The following MAD2L1BP variants were observed in gnomAD, a reference collection of about 807,000 sequenced individuals.
MAD2L1BP encodes MAD2L1 binding protein, also known as MAD2L1-binding protein.
Under a neutral mutation model 28.4 loss-of-function variants are expected in MAD2L1BP, and 22 were observed. That is an observed-to-expected ratio of 0.77 (90% CI 0.55 to 1.10). MAD2L1BP has a LOEUF of 1.10. Among genes scored for constraint, MAD2L1BP ranks in the 50% least tolerant of loss-of-function variants. MAD2L1BP has a pLI of 0.00. For synonymous variants in MAD2L1BP, 146 were observed against 133.7 expected (o/e 1.09, Z -0.63); for missense variants, 325 against 350.5 (o/e 0.93, Z 0.58).
upstream of MAD2L1BP, among the ~76,000 whole-genome samples, chr6:43,631,992 C>A (rs962702658): frequency 6.6e-6 from 1 of 151,724 alleles, no homozygotes; most frequent in Admixed American, 6.6e-5. Context: ...CTCCTCCTCC[C>A]GGGTTCAAGC....
chr6:43,634,884 C>T (rs1207841987), upstream of MAD2L1BP, among the ~76,000 whole-genome samples: 1 of 152,100 alleles, frequency 6.6e-6, no homozygotes, highest in Non-Finnish European at 1.5e-5. Context: ...TCTATTCCTC[C>T]TCCTCCTTGT....
upstream of MAD2L1BP, among the ~76,000 whole-genome samples, chr6:43,631,921 T>G (rs1031505439): frequency 6.6e-6 from 1 of 152,180 alleles, no homozygotes; most frequent in Admixed American, 6.5e-5. Context: ...TGTTTTTTGA[T>G]GGAGTTTCGC....
chr6:43,629,647 G>T, exon 1 of MAD2L1BP: 2 of 1,283,250 alleles, frequency 1.6e-6, no homozygotes, highest in South Asian at 1.3e-5. Flanking sequence ...TGGCCCTTTA[G>T]CGCGGATCCT....
chr6:43,636,321 AAG>A lies in MAD2L1BP; in HGVS notation c.47-58_47-57del, dbSNP rs1263145903. 50 of 1,580,138 alleles carry A rather than the reference AAG, an allele frequency of 3.2e-5. 1 individual carries two copies. The highest frequency in any genetic ancestry group is 2.3e-4 in the South Asian group (20 of 87,992). Reference sequence around the variant, plus strand: ...TGGTTTGTCGGCCACAGGGAATGAGAAGACTGACTGGCTTTTAGGTTTTTAAT... The same window carrying A: ...TGGTTTGTCGGCCACAGGGAATGAGAACTGACTGGCTTTTAGGTTTTTAAT... On this transcript the variant is annotated intron_variant, in intron 1 of 2. Transcript: ENST00000372171.
At chr6:43,632,193 C>G (rs1769961916), upstream of MAD2L1BP, among the ~76,000 whole-genome samples, 2 of 151,614 alleles carry the variant, frequency 1.3e-5, no homozygotes, top group Non-Finnish European at 2.9e-5. Context: ...AGCCACCGTG[C>G]CCGGCCCTGT....
chr6:43,636,653 A>G lies in MAD2L1BP; in HGVS notation c.312+7A>G. ...CCGAAAACCTTCTCCCCAGGTAGGCACAGGCTTTGGGAGCAAGTTGGTGGG... is the reference window on the plus strand; with the variant it reads ...CCGAAAACCTTCTCCCCAGGTAGGCGCAGGCTTTGGGAGCAAGTTGGTGGG... On this transcript the variant is annotated splice_region_variant and intron_variant, in intron 2 of 2. Transcript: ENST00000372171. The G allele has an allele frequency of 6.2e-7, 1 of 1,610,428 alleles. No homozygotes were observed. The highest frequency in any genetic ancestry group is 1.1e-5 in the South Asian group (1 of 91,034).
rs1561932045 is a variant in MAD2L1BP at position 43,640,187 on chromosome 6, G to C, written c.479G>C (p.Ser160Thr). ...VLILLGGNAL[S>T]PKEFYELDLS... The stretch of plus-strand genomic sequence containing the variant: ...ATTCTCCTTGGGGGCAATGCCCTAA[G>C]CCCCAAGGAGTTCTATGAACTCGAC... The change falls in exon 3 of 3, where the codon AGC becomes ACC. Residue 160 changes from serine (S) to threonine (T), a missense_variant. Transcript: ENST00000372171. 3 of 1,613,718 alleles carry C rather than the reference G, an allele frequency of 1.9e-6. No homozygotes were observed. The highest frequency in any genetic ancestry group is 2.5e-6 in the Non-Finnish European group (3 of 1,179,878).
At chr6:43,631,349 G>T (rs114501960), upstream of MAD2L1BP, among the ~76,000 whole-genome samples, 154 of 152,304 alleles carry the variant, frequency 1.0e-3, no homozygotes, top group African/African-American at 3.6e-3. Context: ...ATCTCAAGAA[G>T]GATGAGAATT....
chr6:43,636,900 C>CA (rs1352310792), intron 2 of MAD2L1BP: 1 of 484,940 alleles, frequency 2.1e-6, no homozygotes, highest in Non-Finnish European at 3.7e-6. Context: ...TCTTTTGAGA[C>CA]AGAGTCTTGC....
At chr6:43,631,167 GCTGA>G (rs1423641467), upstream of MAD2L1BP, among the ~76,000 whole-genome samples, 1 of 152,170 alleles carries the variant, frequency 6.6e-6, no homozygotes, top group African/African-American at 2.4e-5. Flanking sequence ...AAAGGGCCTA[GCTGA>G]CCATAGGCCA....
chr6:43,630,454 A>T (rs1407514746), intron 1 of MAD2L1BP, among the ~76,000 whole-genome samples: 1 of 151,896 alleles, frequency 6.6e-6, no homozygotes, highest in African/African-American at 2.4e-5. Flanking sequence ...AAATTAAACA[A>T]CTCAGCCGGG....
intron 2 of MAD2L1BP, among the ~76,000 whole-genome samples, chr6:43,638,988 TC>T: frequency 6.6e-6 from 1 of 152,184 alleles, no homozygotes; most frequent in Middle Eastern, 3.4e-3. Flanking sequence ...TTCATTCATT[TC>T]CCCTATATTC....
chr6:43,639,443 C>T (rs1770447516), intron 2 of MAD2L1BP, among the ~76,000 whole-genome samples: 2 of 152,128 alleles, frequency 1.3e-5, no homozygotes, highest in Non-Finnish European at 2.9e-5. Flanking sequence ...CCAGCCAACT[C>T]TTCATCTTCT....
intron 1 of MAD2L1BP, among the ~76,000 whole-genome samples, chr6:43,630,379 G>C (rs1769832532): frequency 6.6e-6 from 1 of 152,208 alleles, no homozygotes; most frequent in Non-Finnish European, 1.5e-5. Context: ...TCATGACTCA[G>C]ACCACTCACA....
intron 2 of MAD2L1BP, among the ~76,000 whole-genome samples, chr6:43,639,469 T>G (rs1165084891): frequency 1.3e-5 from 2 of 152,210 alleles, no homozygotes; most frequent in East Asian, 3.8e-4. Flanking sequence ...CCAAAACTTC[T>G]GTGTTTGCAT....
At chr6:43,638,480 T>C (rs1770378808) in intron 2 of MAD2L1BP, among the ~76,000 whole-genome samples, 1 of 152,142 alleles carries the variant, frequency 6.6e-6, no homozygotes, top group Admixed American at 6.6e-5. Context: ...TTGGAGAGTT[T>C]TATTCTGTGT....
At chr6:43,629,850 C>G (rs1483470886) in intron 1 of MAD2L1BP, 1 of 1,475,704 alleles carries the variant, frequency 6.8e-7, no homozygotes, top group Non-Finnish European at 9.1e-7. Context: ...GATTATGCTA[C>G]CTTTACATAG....
At chr6:43,629,697 G>A in exon 1 of MAD2L1BP, 1 of 1,545,366 alleles carries the variant, frequency 6.5e-7, no homozygotes, top group Non-Finnish European at 8.8e-7. Flanking sequence ...CAGAACTGAG[G>A]CTACTGGTGC....
rs3800299 is a variant in MAD2L1BP, at chr6:43,630,132, C to T, written c.20+363C>T. 2.2e-3 allele frequency among the ~76,000 whole-genome samples: 328 copies of T among 152,334 alleles called. 8 individuals carry two copies. In the East Asian group the frequency reaches 0.061, roughly 28 times the overall value. On this transcript the variant is annotated intron_variant, in intron 1 of 3. Coordinates refer to the MAD2L1BP transcript ENST00000451025. ...AGGGCTCGGGTTACACCAACCACCA[C>T]GAGGGCGGGGCAGTGGCCGGGAATA... is the stretch of plus-strand genomic sequence containing the variant.
Sources: allele counts gnomAD v4.1 joint callset (sites outside exome capture counted in the v4.1 genomes callset), GRCh38; gene constraint gnomAD v4.1.1; transcripts MANE v1.5; gene names NCBI Gene and HGNC (gene_info 2026-07-23, HGNC 2026-07-21).